Variants in SHC4 observed in about 807,000 individuals in gnomAD.
The protein encoded by SHC4 is SHC-transforming protein 4.
Under a neutral mutation model 69.4 loss-of-function variants are expected in SHC4, and 41 were observed. The ratio of observed to expected loss-of-function variants is 0.59; its 90% CI spans 0.46 to 0.77. SHC4 has a LOEUF of 0.77. Among genes scored for constraint, SHC4 ranks in the 30% least tolerant of loss-of-function variants. The probability of loss-of-function intolerance (pLI) is 0.00; values close to 1 mark genes in which losing one functional copy is unlikely to be tolerated. For missense variants in SHC4, 777 were observed against 783.8 expected, an observed-to-expected ratio of 0.99 and a Z score of 0.10; for synonymous variants, 318 against 299.3, an observed-to-expected ratio of 1.06 and a Z score of -0.64.
intron 2 of SHC4, among the ~76,000 whole-genome samples, chr15:48,896,567 C>A (rs571350994): frequency 6.6e-6 from 1 of 152,064 alleles, no homozygotes; most frequent in Non-Finnish European, 1.5e-5. Context: ...GTGATCTGCC[C>A]GCCTGGCCTT....
intron 3 of SHC4, among the ~76,000 whole-genome samples, chr15:48,886,543 T>G (rs1001346307): frequency 6.6e-6 from 1 of 152,142 alleles, no homozygotes; most frequent in Non-Finnish European, 1.5e-5. Flanking sequence ...AAGTCCCAGG[T>G]TTGATCCTAA....
intron 1 of SHC4, among the ~76,000 whole-genome samples, chr15:48,931,604 C>A (rs1416227504): frequency 6.6e-6 from 1 of 152,092 alleles, no homozygotes; most frequent in Non-Finnish European, 1.5e-5. Context: ...CTTCCCTGAA[C>A]TCTGCACACT....
chr15:48,900,790 A>G (rs1900307477), intron 2 of SHC4, among the ~76,000 whole-genome samples: 1 of 152,188 alleles, frequency 6.6e-6, no homozygotes, highest in Non-Finnish European at 1.5e-5. Flanking sequence ...ACTGGGTCTC[A>G]GCTCCAGAGA....
chr15:48,887,847 AG>A (rs1567061862), intron 3 of SHC4, among the ~76,000 whole-genome samples: 1 of 152,218 alleles, frequency 6.6e-6, no homozygotes, highest in Non-Finnish European at 1.5e-5. Context: ...AGAAATAAAA[AG>A]GATTGTAAGA....
intron 2 of SHC4, among the ~76,000 whole-genome samples, chr15:48,893,317 T>C (rs991304974): frequency 3.3e-5 from 5 of 152,208 alleles, no homozygotes; most frequent in African/African-American, 4.8e-5. Flanking sequence ...CATATGGTAG[T>C]AGAAGAGTGA....
intron 3 of SHC4, among the ~76,000 whole-genome samples, chr15:48,885,338 A>C (rs1376654368): frequency 6.6e-6 from 1 of 152,218 alleles, no homozygotes; most frequent in East Asian, 1.9e-4. Flanking sequence ...GTGGGGGGAA[A>C]AACAGTAGCC....
chr15:48,850,782 C>T (rs533236024), intron 9 of SHC4, among the ~76,000 whole-genome samples: 1 of 152,246 alleles, frequency 6.6e-6, no homozygotes, highest in South Asian at 2.1e-4. Flanking sequence ...GTTCCCTTTG[C>T]CAAGCCAGAA....
intron 4 of SHC4, among the ~76,000 whole-genome samples, chr15:48,872,425 A>AT (rs1331169333): frequency 6.6e-6 from 1 of 152,168 alleles, no homozygotes; most frequent in Non-Finnish European, 1.5e-5. Context: ...CAATCAATGT[A>AT]TTTTGGGAAG....
At chr15:48,920,607 A>G (rs1467967348) in intron 2 of SHC4, among the ~76,000 whole-genome samples, 1 of 152,170 alleles carries the variant, frequency 6.6e-6, no homozygotes, top group Non-Finnish European at 1.5e-5. Flanking sequence ...AAATAGATAA[A>G]TGGCTGGGAA....
Position 48,843,518 on chromosome 15 carries a change from A to T in SHC4, c.1374T>A (p.Asp458Glu), listed in dbSNP as rs1899031362. 8.7e-6 allele frequency: 14 copies of T among 1,614,160 alleles called. No homozygotes were observed. The highest frequency in any genetic ancestry group is 1.2e-5 in the Non-Finnish European group (14 of 1,180,022). ...TSLLKHTCRVDLFDDPCYINT... is the reference protein window; with the variant it reads ...TSLLKHTCRVELFDDPCYINT... ...TAATGTAGCAGGGGTCATCAAAGAG[A>T]TCCACTCGGCACGTGTGCTTCAATA... The change falls in exon 10 of 12, where the codon GAT becomes GAA. Residue 458 changes from aspartate to glutamate, a missense_variant. Coordinates refer to ENST00000332408, the MANE Select transcript of SHC4 (RefSeq NM_203349.4).
At chr15:48,892,103 C>T (rs1351443981) in intron 2 of SHC4, among the ~76,000 whole-genome samples, 1 of 152,048 alleles carries the variant, frequency 6.6e-6, no homozygotes, top group African/African-American at 2.4e-5. Context: ...TATCCGCCCG[C>T]CTCGGCCTCC....
At chr15:48,943,230 G>A (rs544230889) in intron 1 of SHC4, among the ~76,000 whole-genome samples, 1 of 152,196 alleles carries the variant, frequency 6.6e-6, no homozygotes, top group East Asian at 1.9e-4. Context: ...CTGCAAGTTT[G>A]GACCCCTTGA....
chr15:48,903,403 A>AT (rs143835490), intron 2 of SHC4, among the ~76,000 whole-genome samples: 6 of 151,914 alleles, frequency 3.9e-5, no homozygotes, highest in Admixed American at 1.3e-4. Context: ...GAATTATATC[A>AT]TTTTTTTTCT....
At chr15:48,915,979 A>G (rs1291175898) in intron 2 of SHC4, among the ~76,000 whole-genome samples, 2 of 152,136 alleles carry the variant, frequency 1.3e-5, no homozygotes, top group Non-Finnish European at 2.9e-5. Flanking sequence ...TAACTGCAAC[A>G]AGTCAACACA....
In SHC4 at chr15:48,878,374, G is replaced by A. The variant is rs754045355; in HGVS notation, c.840+5874C>T. ...TGGAGGAGGAGGAGGCCCAGCCAAT[G>A]GCGGCGCCAGAGGGGAAACGGAGCC... On this transcript the variant is annotated intron_variant, in intron 4 of 11. Coordinates refer to ENST00000332408, the MANE Select transcript of SHC4 (RefSeq NM_203349.4). The A allele has an allele frequency of 2.0e-5, 32 of 1,612,818 alleles. No individual in the cohort carries two copies. In the Admixed American group the frequency reaches 5.4e-4, roughly 27 times the overall value.
intron 1 of SHC4, among the ~76,000 whole-genome samples, chr15:48,927,118 G>C (rs28412859): frequency 6.6e-6 from 1 of 152,208 alleles, no homozygotes; most frequent in East Asian, 1.9e-4. Flanking sequence ...AAGTAGGTTA[G>C]AAAGCCCATC....
At chr15:48,868,989 G>C (rs1320033788) in intron 5 of SHC4, among the ~76,000 whole-genome samples, 1 of 152,220 alleles carries the variant, frequency 6.6e-6, no homozygotes, top group Non-Finnish European at 1.5e-5. Context: ...CAGCCATGCT[G>C]TCTGGTAGGT....
In SHC4 at chr15:48,945,188, C is replaced by A. The variant is rs547412530; in HGVS notation, c.585+17243G>T. Among the ~76,000 whole-genome samples, 4 of 152,124 alleles carry A rather than the reference C, an allele frequency of 2.6e-5. No homozygotes were observed. The South Asian group carries it at 8.3e-4, about 32-fold the overall frequency. On this transcript the variant is annotated intron_variant, in intron 1 of 11. Transcript: ENST00000332408. ...AAGCAAAAAGTCATAGCTGACTGAA[C>A]AAAAGAAATCTGATAAAGTATAAAA... is the stretch of plus-strand genomic sequence containing the variant.
Position 48,856,114 on chromosome 15 carries a change from G to C in SHC4, c.1081C>G (p.His361Asp). 1.2e-6 allele frequency: 2 copies of C among 1,612,886 alleles called. No homozygotes were observed. The highest frequency in any genetic ancestry group is 1.7e-6 in the Non-Finnish European group (2 of 1,179,400). ...LNTSCESEEVHIDSHAEERED... is the reference protein window; with the variant it reads ...LNTSCESEEVDIDSHAEERED... Reference sequence around the variant, plus strand: ...CTCTCCTCGGCATGGCTATCAATATGCACCTCCTCACTGTGAAGGAAAAAA... The same window carrying C: ...CTCTCCTCGGCATGGCTATCAATATCCACCTCCTCACTGTGAAGGAAAAAA... The change falls in exon 8 of 12, where the codon CAT becomes GAT. Residue 361 changes from histidine to aspartate, a missense_variant. Coordinates refer to ENST00000332408, the MANE Select transcript of SHC4 (RefSeq NM_203349.4).
Sources: allele counts gnomAD v4.1 joint callset (sites outside exome capture counted in the v4.1 genomes callset), GRCh38; gene constraint gnomAD v4.1.1; transcripts MANE v1.5; gene names NCBI Gene and HGNC (gene_info 2026-07-23, HGNC 2026-07-21).